The following WDR20 variants were observed in gnomAD, a reference collection of about 807,000 sequenced individuals.
WDR20 encodes WD repeat-containing protein 20.
In WDR20, 3 loss-of-function variants were observed where a neutral mutation model predicts 38.7. The observed-to-expected ratio is 0.08, with a 90% CI of 0.04 to 0.20. The LOEUF is 0.20. Ranked by LOEUF, WDR20 falls within the 10% of genes least tolerant of loss-of-function variation. WDR20 has a pLI of 1.00. For missense variants in WDR20, 559 were observed against 727.7 expected (o/e 0.77, Z 2.67); for synonymous variants, 298 against 285.6 (o/e 1.04, Z -0.44).
chr14:102,144,326 T>A (rs2052730230), intron 1 of WDR20, among the ~76,000 whole-genome samples: 1 of 151,430 alleles, frequency 6.6e-6, no homozygotes, highest in Non-Finnish European at 1.5e-5. Context: ...CTACTAAAAA[T>A]ACAAAATTAG....
intron 1 of WDR20, among the ~76,000 whole-genome samples, chr14:102,152,676 A>G (rs142810214): frequency 1.4e-4 from 21 of 152,082 alleles, no homozygotes; most frequent in African/African-American, 9.6e-5. Context: ...CAGCCTTCCA[A>G]AGTGCTGGGA....
At chr14:102,216,347 C>A (rs189819578), downstream of WDR20, among the ~76,000 whole-genome samples, 34 of 152,318 alleles carry the variant, frequency 2.2e-4, no homozygotes, top group African/African-American at 7.7e-4. Context: ...GGGTCTCGCT[C>A]TGTTGCCCGA....
chr14:102,171,674 A>G lies in WDR20; in HGVS notation c.250-23264A>G, dbSNP rs1034459026. ...TTCAGTTTAAGACATAGTTGCCTGT[A>G]TCTTCCCAAAGATCTTATCTTTCGT... On this transcript the variant is annotated intron_variant, in intron 1 of 2. Transcript: ENST00000342702. Among the ~76,000 whole-genome samples, 5 of 151,818 alleles carry G rather than the reference A, an allele frequency of 3.3e-5. 1 individual carries two copies. The highest frequency in any genetic ancestry group is 1.3e-4 in the Admixed American group (2 of 15,208).
At chr14:102,177,146 ATCTC>A (rs773712241) in intron 1 of WDR20, among the ~76,000 whole-genome samples, 5 of 152,146 alleles carry the variant, frequency 3.3e-5, no homozygotes, top group East Asian at 1.9e-4. Context: ...CCTCTTCAAA[ATCTC>A]TCTATCATCA....
chr14:102,190,431 A>G (rs2066043849), intron 1 of WDR20, among the ~76,000 whole-genome samples: 1 of 151,970 alleles, frequency 6.6e-6, no homozygotes, highest in Non-Finnish European at 1.5e-5. Flanking sequence ...AAACAAAAAC[A>G]AAAAACAAAA....
chr14:102,191,228 A>G (rs2066318205), intron 1 of WDR20: 1 of 152,200 alleles, frequency 6.6e-6, no homozygotes, highest in African/African-American at 2.4e-5. Flanking sequence ...GAGGGAAGGC[A>G]GGATTTGAAC....
chr14:102,207,827 C>T lies in WDR20; in HGVS notation c.433-776C>T, dbSNP rs185468805. 3.6e-4 allele frequency among the ~76,000 whole-genome samples: 55 copies of T among 152,248 alleles called. No homozygotes were observed. The highest frequency in any genetic ancestry group is 1.3e-3 in the African/African-American group (55 of 41,534). ...TTTTAAAGGCAAGACTACTGACATA[C>T]GCCTGTTAAAGAAACATCTCGGTCA... On this transcript the variant is annotated intron_variant, in intron 2 of 2. Coordinates refer to ENST00000342702, the MANE Select transcript of WDR20 (RefSeq NM_144574.4). This position sits in a 1 kb window ranked among gnomAD's most constrained non-coding sequence, Gnocchi z 5.0.
chr14:102,160,386 T>G (rs2058363671), intron 1 of WDR20, among the ~76,000 whole-genome samples: 1 of 152,154 alleles, frequency 6.6e-6, no homozygotes, highest in Non-Finnish European at 1.5e-5. Flanking sequence ...CTATAGATAA[T>G]ATTTTATTTG....
intron 2 of WDR20, among the ~76,000 whole-genome samples, chr14:102,197,079 C>T (rs1567007757): frequency 6.6e-6 from 1 of 152,204 alleles, no homozygotes; most frequent in Non-Finnish European, 1.5e-5. Flanking sequence ...GTGACATTTA[C>T]AGGTTTCAAG....
intron 1 of WDR20, among the ~76,000 whole-genome samples, chr14:102,189,849 T>A (rs549827965): frequency 6.6e-6 from 1 of 152,324 alleles, no homozygotes; most frequent in South Asian, 2.1e-4. Flanking sequence ...AATTCTGAAA[T>A]CATATAAGTG....
chr14:102,153,436 A>G (rs1233333160), intron 1 of WDR20, among the ~76,000 whole-genome samples: 1 of 150,400 alleles, frequency 6.6e-6, no homozygotes, highest in Non-Finnish European at 1.5e-5. Flanking sequence ...CCTCTGGAGT[A>G]GCTGGGATTA....
intron 2 of WDR20, chr14:102,198,396 G>A (rs755146826): frequency 1.3e-5 from 3 of 223,436 alleles, no homozygotes; most frequent in South Asian, 1.2e-4. Flanking sequence ...GGAATTACAG[G>A]CGTGAGCCAC....
At chr14:102,184,115 T>A (rs1415927568) in intron 1 of WDR20, among the ~76,000 whole-genome samples, 1 of 152,242 alleles carries the variant, frequency 6.6e-6, no homozygotes, top group African/African-American at 2.4e-5. Flanking sequence ...CATTTGAATA[T>A]GTCAGCATTT....
At chr14:102,212,746 T>TG, downstream of WDR20, 1 of 1,386,344 alleles carries the variant, frequency 7.2e-7, no homozygotes, top group Non-Finnish European at 9.4e-7. Flanking sequence ...CAATGCGTGC[T>TG]GCTAACCCTA....
At chr14:102,179,231 C>T (rs2062844467) in intron 1 of WDR20, among the ~76,000 whole-genome samples, 1 of 151,898 alleles carries the variant, frequency 6.6e-6, no homozygotes, top group African/African-American at 2.4e-5. Context: ...TAATAATATT[C>T]ATTTATTTAC....
downstream of WDR20, chr14:102,214,713 AT>A (rs2062998821): frequency 1.0e-6 from 1 of 981,384 alleles, no homozygotes; most frequent in African/African-American, 1.8e-5. Flanking sequence ...CCTTTTTTAT[AT>A]TTTCATCCAA....
intron 2 of WDR20, among the ~76,000 whole-genome samples, chr14:102,206,278 C>T (rs1035369673): frequency 5.3e-5 from 8 of 152,202 alleles, no homozygotes; most frequent in Admixed American, 6.5e-5. Context: ...TGAGCCGCCG[C>T]GCCTGGCCAC....
At position 102,209,252 on chromosome 14, in the gene WDR20, G is replaced by A. The variant is rs777051177; in HGVS notation, c.1082G>A (p.Arg361His). The part of the protein sequence containing the change: ...RLSKRNSTDS[R>H]PVSVTYRFGS... ...TCCAAACGGAACTCTACAGACAGCCGCCCCGTAAGTGTCACGTATCGGTTT... is the reference window on the plus strand; with the variant it reads ...TCCAAACGGAACTCTACAGACAGCCACCCCGTAAGTGTCACGTATCGGTTT... Residue 361 changes from arginine to histidine, a missense_variant, in exon 3 of 3, where the codon CGC (arginine) becomes CAC (histidine). Transcript: ENST00000342702. This position sits in a 1 kb window ranked among gnomAD's most constrained non-coding sequence, Gnocchi z 6.0. 1.2e-5 allele frequency: 20 copies of A among 1,614,004 alleles called. No individual in the cohort carries two copies. The highest frequency in any genetic ancestry group is 1.6e-4 in the Middle Eastern group (1 of 6,084).
At chr14:102,196,740 C>T (rs906617131) in intron 2 of WDR20, among the ~76,000 whole-genome samples, 1 of 152,206 alleles carries the variant, frequency 6.6e-6, no homozygotes, top group African/African-American at 2.4e-5. Context: ...AGAACTATCC[C>T]TGCCCTGGTG....
Sources: gnomAD v4.1 joint callset for allele counts (sites outside exome capture counted in the v4.1 genomes callset) on GRCh38, gnomAD v4.1.1 for gene constraint, Gnocchi (gnomAD v3.1) non-coding constraint, MANE v1.5 for transcripts, NCBI Gene and HGNC (gene_info 2026-07-23, HGNC 2026-07-21) for gene names.